WNK1: variants seen among roughly 807,000 people sequenced by gnomAD.
WNK1 encodes serine/threonine-protein kinase WNK1.
Under a neutral mutation model 222.8 loss-of-function variants are expected in WNK1, and 38 were observed. That is an observed-to-expected ratio of 0.17 (90% CI 0.13 to 0.22). The LOEUF is 0.22. Among genes scored for constraint, WNK1 ranks in the 10% least tolerant of loss-of-function variants. WNK1 has a pLI of 1.00. For missense variants in WNK1, 2,348 were observed against 2,918.4 expected (o/e 0.80, Z 4.50); for synonymous variants, 1,090 against 1,092.9 (o/e 1.00, Z 0.05).
chr12:881,670 G>T (rs201390177), intron 12 of WNK1, 22 bp from the exon 13 acceptor site: 1 of 1,584,354 alleles, frequency 6.3e-7, no homozygotes, highest in African/African-American at 1.3e-5. Flanking sequence ...ACCGAGATTT[G>T]AGTTATCTTT....
At chr12:822,437 T>A (rs1371219991) in intron 2 of WNK1, among the ~76,000 whole-genome samples, 1 of 152,174 alleles carries the variant, frequency 6.6e-6, no homozygotes, top group Non-Finnish European at 1.5e-5. Flanking sequence ...TGTTTTTTGC[T>A]CCTTATCTCC....
intron 1 of WNK1, among the ~76,000 whole-genome samples, chr12:777,154 TTTTG>T (rs1253430710): frequency 1.4e-5 from 2 of 146,918 alleles, no homozygotes; most frequent in African/African-American, 5.3e-5. Flanking sequence ...GAGGGATTTT[TTTTG>T]TTTTTTTTTT....
rs1319476397 is a variant in WNK1 at position 883,573 on chromosome 12, G to A, written c.3663+5G>A. 2 of 1,613,980 alleles carry A rather than the reference G, an allele frequency of 1.2e-6. No individual in the cohort carries two copies. The highest frequency in any genetic ancestry group is 2.7e-5 in the African/African-American group (2 of 74,906). ...TATGGCTTTTCAGGTTCTCAGGTAG[G>A]TTCACCACTCCCATAGTGAAACTTT... On this transcript the variant is annotated splice_donor_5th_base_variant and intron_variant, in intron 16 of 27. Transcript: ENST00000315939.
At chr12:857,322 C>A in intron 5 of WNK1, 73 bp downstream of exon 5, 1 of 1,250,302 alleles carries the variant, frequency 8.0e-7, no homozygotes, top group Non-Finnish European at 1.2e-6. Context: ...GTACAACACA[C>A]ATTCTACGGT....
intron 21 of WNK1, among the ~76,000 whole-genome samples, chr12:889,433 T>C (rs1480122367): frequency 1.3e-5 from 2 of 152,218 alleles, no homozygotes; most frequent in Non-Finnish European, 2.9e-5. Flanking sequence ...GAAAGGTGCT[T>C]TTTTAGTTGT....
chr12:814,261 G>A (rs959853560), intron 2 of WNK1, among the ~76,000 whole-genome samples: 11 of 151,676 alleles, frequency 7.3e-5, no homozygotes, highest in African/African-American at 2.2e-4. Flanking sequence ...CCTAGGAGGC[G>A]GAGGTTGCAG....
chr12:900,355 T>G, intron 25 of WNK1, 121 bp from the exon 26 acceptor site: 1 of 1,036,754 alleles, frequency 9.6e-7, no homozygotes, highest in East Asian at 2.5e-5. Flanking sequence ...TCTCATCAGT[T>G]TGTAGCTTTT....
intron 4 of WNK1, chr12:851,684 C>T (rs1950430609): frequency 7.6e-7 from 1 of 1,322,120 alleles, no homozygotes; most frequent in African/African-American, 1.5e-5. Context: ...ATCTGTTTTG[C>T]CTTTTCTGAT....
At chr12:763,944 T>G (rs1941360596) in intron 1 of WNK1, among the ~76,000 whole-genome samples, 1 of 147,464 alleles carries the variant, frequency 6.8e-6, no homozygotes, top group Non-Finnish European at 1.5e-5. Flanking sequence ...GGTATGGAGA[T>G]GTATTCAATT....
chr12:882,850 A>T, intron 14 of WNK1, 93 bp from the exon 15 acceptor site: 2 of 822,642 alleles, frequency 2.4e-6, no homozygotes, highest in Admixed American at 3.7e-5. Flanking sequence ...TTCCTTAGAC[A>T]TAAAGTCAAG....
chr12:814,929 A>G (rs1390543071), intron 2 of WNK1, among the ~76,000 whole-genome samples: 9 of 152,210 alleles, frequency 5.9e-5, no homozygotes, highest in Non-Finnish European at 1.2e-4. Flanking sequence ...GATGGGAGAC[A>G]GGGCAGATCA....
intron 4 of WNK1, among the ~76,000 whole-genome samples, chr12:845,572 C>G (rs959839017): frequency 1.1e-4 from 17 of 152,192 alleles, no homozygotes; most frequent in African/African-American, 4.1e-4. Context: ...TGCTTCCTTT[C>G]AAATTCCGGC....
At chr12:789,304 C>T (rs1324181321) in intron 1 of WNK1, among the ~76,000 whole-genome samples, 2 of 152,060 alleles carry the variant, frequency 1.3e-5, no homozygotes, top group African/African-American at 2.4e-5. Context: ...CAGTGAGAAG[C>T]TTAACAGTGT....
chr12:904,388 A>AT (rs1188794100), intron 26 of WNK1: 2 of 1,244,126 alleles, frequency 1.6e-6, no homozygotes, highest in African/African-American at 3.1e-5. Context: ...CTGTTTGGAG[A>AT]TTCTAAATAT....
At chr12:882,761 C>T (rs758897610) in intron 14 of WNK1, among the ~76,000 whole-genome samples, 182 bp from the exon 15 acceptor site, 5 of 152,164 alleles carry the variant, frequency 3.3e-5, no homozygotes, top group African/African-American at 7.2e-5. Flanking sequence ...CAAAGGCTAA[C>T]GTCTTCTCAA....
intron 22 of WNK1, among the ~76,000 whole-genome samples, chr12:892,098 T>A (rs886128762): frequency 6.6e-6 from 1 of 151,744 alleles, no homozygotes; most frequent in Non-Finnish European, 1.5e-5. Context: ...ATTATACTTT[T>A]AAGTTTTAGG....
intron 1 of WNK1, among the ~76,000 whole-genome samples, chr12:776,764 T>G (rs1476250743): frequency 6.6e-6 from 1 of 152,178 alleles, no homozygotes; most frequent in African/African-American, 2.4e-5. Flanking sequence ...GCGTGGTGTT[T>G]GTACCTGGGC....
intron 1 of WNK1, among the ~76,000 whole-genome samples, chr12:795,364 C>T (rs924143055): frequency 3.3e-5 from 5 of 149,586 alleles, no homozygotes; most frequent in South Asian, 2.2e-4. Flanking sequence ...ACCCAAGTCT[C>T]ACTTTGAAAT....
intron 1 of WNK1, among the ~76,000 whole-genome samples, chr12:767,682 A>G (rs1941940622): frequency 1.3e-5 from 2 of 152,126 alleles, no homozygotes; most frequent in Admixed American, 1.3e-4. Context: ...AGGGTGAGGG[A>G]AACTTTTCAG....
Sources: gnomAD v4.1 joint callset for allele counts (sites outside exome capture counted in the v4.1 genomes callset) on GRCh38, gnomAD v4.1.1 for gene constraint, MANE v1.5 for transcripts, NCBI Gene and HGNC (gene_info 2026-07-23, HGNC 2026-07-21) for gene names.